Variants in GAP43 observed in about 807,000 individuals in gnomAD.
The protein encoded by GAP43 is neuromodulin.
In GAP43, 6 loss-of-function variants were observed where a neutral mutation model predicts 18.6. The observed-to-expected ratio is 0.32, with a 90% CI of 0.18 to 0.64. The LOEUF (loss-of-function observed/expected upper bound fraction) is 0.64, where lower values mean the gene tolerates loss of function less well. Among genes scored for constraint, GAP43 ranks in the 30% least tolerant of loss-of-function variants. GAP43 has a pLI of 0.78. For missense variants in GAP43, 292 were observed against 295.5 expected, an observed-to-expected ratio of 0.99 and a Z score of 0.09; for synonymous variants, 115 against 111.4, an observed-to-expected ratio of 1.03 and a Z score of -0.20.
intron 1 of GAP43, among the ~76,000 whole-genome samples, chr3:115,673,028 G>A (rs1335946482): frequency 1.3e-5 from 2 of 151,844 alleles, no homozygotes; most frequent in Non-Finnish European, 2.9e-5. Flanking sequence ...GTTTTTCATG[G>A]TTCTCCCCGT....
At chr3:115,690,912 T>C (rs938945874) in intron 2 of GAP43, among the ~76,000 whole-genome samples, 9 of 151,926 alleles carry the variant, frequency 5.9e-5, no homozygotes, top group Non-Finnish European at 8.8e-5. Flanking sequence ...CCCGCCACCA[T>C]GCCCGGCTAA....
chr3:115,702,931 G>A (rs1709313784), intron 2 of GAP43, among the ~76,000 whole-genome samples: 1 of 152,070 alleles, frequency 6.6e-6, no homozygotes, highest in African/African-American at 2.4e-5. Flanking sequence ...GTTGACGCAA[G>A]TCATATGGAG....
intron 1 of GAP43, among the ~76,000 whole-genome samples, chr3:115,646,230 A>G (rs1305719162): frequency 6.6e-6 from 1 of 152,102 alleles, no homozygotes; most frequent in Non-Finnish European, 1.5e-5. Flanking sequence ...TGTGACCTAT[A>G]AAGATTTTTT....
intron 2 of GAP43, among the ~76,000 whole-genome samples, chr3:115,688,271 G>A (rs1709060394): frequency 6.6e-6 from 1 of 151,912 alleles, no homozygotes; most frequent in Non-Finnish European, 1.5e-5. Context: ...CACCCACCTC[G>A]GCCTCCCAAA....
intron 2 of GAP43, among the ~76,000 whole-genome samples, chr3:115,716,691 G>A (rs982659845): frequency 1.9e-5 from 2 of 104,708 alleles, no homozygotes; most frequent in Admixed American, 1.3e-4. Context: ...ATAATATCAA[G>A]TAAAAAATTA....
At chr3:115,640,222 C>G (rs1382032534) in intron 1 of GAP43, among the ~76,000 whole-genome samples, 1 of 151,984 alleles carries the variant, frequency 6.6e-6, no homozygotes, top group Non-Finnish European at 1.5e-5. Flanking sequence ...TACACTTTAG[C>G]TGAAAAAATA....
At chr3:115,706,920 T>A (rs1303734872) in intron 2 of GAP43, among the ~76,000 whole-genome samples, 1 of 152,232 alleles carries the variant, frequency 6.6e-6, no homozygotes, top group East Asian at 1.9e-4. Context: ...AGTGGCATTT[T>A]AAAATGTTTA....
In GAP43 at chr3:115,669,965, AT is replaced by A. The variant is rs555813051; in HGVS notation, c.31-6043del. Among the ~76,000 whole-genome samples the A allele has an allele frequency of 4.1e-4, 41 of 100,752 alleles. No homozygotes were observed. The South Asian group carries it at 5.9e-3, about 15-fold the overall frequency. 66.1% of individuals were successfully genotyped at this position (100,752 alleles called of 152,430 possible). On this transcript the variant is annotated intron_variant, in intron 1 of 2. Transcript: ENST00000305124. ...GCCCACTGTGCTTATTCATCTTTTT[AT>A]TTTTATTTTTTTTTTTTAATTTTTT...
chr3:115,667,266 A>C (rs148370792), intron 1 of GAP43, among the ~76,000 whole-genome samples: 1 of 152,348 alleles, frequency 6.6e-6, no homozygotes, highest in Non-Finnish European at 1.5e-5. Flanking sequence ...ATAAAAACAT[A>C]CAGCAGATGA....
At chr3:115,706,046 C>T (rs1285034417) in intron 2 of GAP43, among the ~76,000 whole-genome samples, 1 of 152,076 alleles carries the variant, frequency 6.6e-6, no homozygotes, top group East Asian at 1.9e-4. Flanking sequence ...TATTTGAGAA[C>T]GCCCAGAAAC....
intron 1 of GAP43, among the ~76,000 whole-genome samples, chr3:115,643,048 TCTTGGAA>T (rs1393312762): frequency 6.6e-6 from 1 of 152,088 alleles, no homozygotes; most frequent in Non-Finnish European, 1.5e-5. Flanking sequence ...TTTCTTGCAG[TCTTGGAA>T]CTCAGAGGTG....
chr3:115,686,750 C>A (rs981833733), intron 2 of GAP43, among the ~76,000 whole-genome samples: 2 of 152,232 alleles, frequency 1.3e-5, no homozygotes, highest in Admixed American at 6.5e-5. Flanking sequence ...TAAAAATAGA[C>A]ATGTTGATGG....
chr3:115,696,878 G>A (rs918364348), intron 2 of GAP43, among the ~76,000 whole-genome samples: 1 of 151,966 alleles, frequency 6.6e-6, no homozygotes, highest in Admixed American at 6.6e-5. Context: ...TGTTGCCCAG[G>A]CTAGAGTGTA....
At chr3:115,709,302 G>T (rs1440017693) in intron 2 of GAP43, among the ~76,000 whole-genome samples, 1 of 152,144 alleles carries the variant, frequency 6.6e-6, no homozygotes, top group Non-Finnish European at 1.5e-5. Flanking sequence ...GCACTCTCCA[G>T]TTCCCCACAG....
chr3:115,654,043 C>T (rs1553721122), intron 1 of GAP43, among the ~76,000 whole-genome samples: 1 of 152,152 alleles, frequency 6.6e-6, no homozygotes, highest in Non-Finnish European at 1.5e-5. Context: ...TTACACATTC[C>T]TTCTGTGATT....
At chr3:115,660,536 A>G (rs56146902) in intron 1 of GAP43, among the ~76,000 whole-genome samples, 8,774 of 152,314 alleles carry the variant, frequency 0.058, 304 homozygotes, top group Middle Eastern at 0.14. Context: ...AGGTTGGGAT[A>G]TGTCAGGCCT....
At chr3:115,663,947 G>A (rs1381093966) in intron 1 of GAP43, 1 of 1,547,066 alleles carries the variant, frequency 6.5e-7, no homozygotes, top group Non-Finnish European at 8.7e-7. Context: ...ACCTATACAA[G>A]TATTTTAGGT....
At position 115,664,532 on chromosome 3, in the gene GAP43, G is replaced by A. The variant is rs181585734; in HGVS notation, c.31-11481G>A. Among the ~76,000 whole-genome samples the A allele has an allele frequency of 2.3e-3, 357 of 152,232 alleles. 1 individual carries two copies. Among genetic ancestry groups the A allele is most frequent in the African/African-American group, 7.7e-3 (321 of 41,528 alleles). On this transcript the variant is annotated intron_variant, in intron 1 of 2. Coordinates refer to ENST00000305124, the MANE Select transcript of GAP43 (RefSeq NM_002045.4). ...GAAAACTGAAATTTAGAGAAATTAA[G>A]TAATTTATCCCAGGTCATACATTTA...
intron 1 of GAP43, among the ~76,000 whole-genome samples, chr3:115,629,240 C>G (rs1164681208): frequency 6.6e-6 from 1 of 152,176 alleles, no homozygotes; most frequent in Non-Finnish European, 1.5e-5. Context: ...TGGAGTTCTA[C>G]CACCACATTG....
Sources: gnomAD v4.1 joint callset for allele counts (sites outside exome capture counted in the v4.1 genomes callset) on GRCh38, gnomAD v4.1.1 for gene constraint, MANE v1.5 for transcripts, NCBI Gene and HGNC (gene_info 2026-07-23, HGNC 2026-07-21) for gene names.